Variants in MACROD2 observed in about 807,000 individuals in gnomAD.
MACROD2 encodes the protein mono-ADP ribosylhydrolase 2.
Under a neutral mutation model 70.4 loss-of-function variants are expected in MACROD2, and 36 were observed. The ratio of observed to expected loss-of-function variants is 0.51; its 90% CI spans 0.39 to 0.68. MACROD2 has a LOEUF of 0.68. MACROD2 is among the 30% of genes least tolerant of loss of function. The pLI is 0.00. For synonymous variants in MACROD2, 172 were observed against 178.8 expected (o/e 0.96, Z 0.30); for missense variants, 496 against 538.4 (o/e 0.92, Z 0.78).
At chr20:15,037,114 G>A (rs971704166) in intron 5 of MACROD2, among the ~76,000 whole-genome samples, 7 of 152,086 alleles carry the variant, frequency 4.6e-5, no homozygotes, top group African/African-American at 1.7e-4. Context: ...ATGGGTTAGT[G>A]TGCAGTGGTA....
chr20:14,384,975 G>T (rs1245148559), intron 3 of MACROD2, among the ~76,000 whole-genome samples: 1 of 152,054 alleles, frequency 6.6e-6, no homozygotes, highest in Non-Finnish European at 1.5e-5. Context: ...ACACAAAAGG[G>T]TGCTTTATGT....
At chr20:15,662,047 C>T (rs1246871985) in intron 8 of MACROD2, among the ~76,000 whole-genome samples, 2 of 152,204 alleles carry the variant, frequency 1.3e-5, no homozygotes, top group East Asian at 3.8e-4. Context: ...TAACTTCCCA[C>T]TCTTTACCCA....
chr20:15,741,359 A>G (rs2146965511), intron 8 of MACROD2, among the ~76,000 whole-genome samples: 1 of 151,434 alleles, frequency 6.6e-6, no homozygotes, highest in South Asian at 2.1e-4. Flanking sequence ...TCAGCCTCCC[A>G]AAGTGCTGGG....
At chr20:15,215,976 A>C (rs1468750078) in intron 5 of MACROD2, among the ~76,000 whole-genome samples, 1 of 152,148 alleles carries the variant, frequency 6.6e-6, no homozygotes, top group Non-Finnish European at 1.5e-5. Flanking sequence ...AAACTCGCCT[A>C]TTAAGAGTTC....
At chr20:15,306,278 C>A (rs13041094) in intron 6 of MACROD2, among the ~76,000 whole-genome samples, 8 of 152,278 alleles carry the variant, frequency 5.3e-5, no homozygotes, top group Admixed American at 5.2e-4. Flanking sequence ...CTGAATTATT[C>A]TGTAGTTTAC....
chr20:15,884,077 C>T (rs775047125), intron 9 of MACROD2, among the ~76,000 whole-genome samples: 1 of 152,016 alleles, frequency 6.6e-6, no homozygotes, highest in Non-Finnish European at 1.5e-5. Flanking sequence ...GCTGATGAAC[C>T]TGAAGCTCAG....
At chr20:15,312,010 A>G (rs1214723541) in intron 6 of MACROD2, among the ~76,000 whole-genome samples, 3 of 152,192 alleles carry the variant, frequency 2.0e-5, no homozygotes, top group African/African-American at 7.2e-5. Flanking sequence ...AGCCAAAGAG[A>G]ATATCATCAA....
intron 6 of MACROD2, among the ~76,000 whole-genome samples, chr20:15,400,092 G>T (rs992179419): frequency 2.0e-5 from 3 of 152,052 alleles, no homozygotes; most frequent in African/African-American, 7.2e-5. Flanking sequence ...AAAGAAAGAC[G>T]GTTTTCCTTC....
intron 3 of MACROD2, among the ~76,000 whole-genome samples, chr20:14,219,114 T>C (rs2081648161): frequency 1.3e-5 from 2 of 152,212 alleles, no homozygotes; most frequent in African/African-American, 4.8e-5. Context: ...CCTTGATTAT[T>C]CCCCCAAATA....
chr20:14,135,192 C>T (rs568943130), intron 3 of MACROD2, among the ~76,000 whole-genome samples: 1 of 152,018 alleles, frequency 6.6e-6, no homozygotes, highest in African/African-American at 2.4e-5. Context: ...AAACCTGACA[C>T]CAAAAGTATT....
At chr20:14,415,994 C>G (rs1483165039) in intron 3 of MACROD2, among the ~76,000 whole-genome samples, 1 of 149,236 alleles carries the variant, frequency 6.7e-6, no homozygotes, top group South Asian at 2.1e-4. Context: ...GAGTCTCGCT[C>G]TGTTGCCAGA....
rs2073144579 is a variant in MACROD2, at chr20:14,846,642, TGAGTAGCTGG to T, written c.418+161686_418+161695del. Among the ~76,000 whole-genome samples, 2 of 151,586 alleles carry T rather than the reference TGAGTAGCTGG, an allele frequency of 1.3e-5. 1 individual carries two copies. The highest frequency in any genetic ancestry group is 4.2e-4 in the South Asian group (2 of 4,792). On this transcript the variant is annotated intron_variant, in intron 5 of 17. Coordinates refer to ENST00000684519, the MANE Select transcript of MACROD2 (RefSeq NM_001351661.2). Reference sequence around the variant, plus strand: ...ACGCCACTCTCCTGCCTCAGCCTCCTGAGTAGCTGGGACCACAGGCGCCCGCCACCACGCC... The same window carrying T: ...ACGCCACTCTCCTGCCTCAGCCTCCTGACCACAGGCGCCCGCCACCACGCC...
intron 5 of MACROD2, among the ~76,000 whole-genome samples, chr20:15,146,664 T>A (rs1048699529): frequency 1.4e-4 from 21 of 152,214 alleles, no homozygotes; most frequent in African/African-American, 4.1e-4. Context: ...CCATCTCTTT[T>A]CCTGACTCCT....
At chr20:14,184,803 G>A (rs981715792) in intron 3 of MACROD2, among the ~76,000 whole-genome samples, 3 of 152,064 alleles carry the variant, frequency 2.0e-5, no homozygotes, top group Non-Finnish European at 4.4e-5. Flanking sequence ...GGATAGGATT[G>A]CATTCTTGAT....
intron 3 of MACROD2, among the ~76,000 whole-genome samples, chr20:14,122,204 A>C (rs1474715105): frequency 6.6e-6 from 1 of 152,170 alleles, no homozygotes; most frequent in African/African-American, 2.4e-5. Flanking sequence ...GAATTCAGGA[A>C]ACTTGGATTT....
chr20:16,032,565 GAGA>G (rs2067165865), intron 15 of MACROD2, among the ~76,000 whole-genome samples: 1 of 150,782 alleles, frequency 6.6e-6, no homozygotes, highest in African/African-American at 2.4e-5. Context: ...CAGGGAAGGA[GAGA>G]AGGAGAAACT....
intron 15 of MACROD2, among the ~76,000 whole-genome samples, chr20:15,987,583 A>T (rs1305042225): frequency 6.6e-6 from 1 of 152,160 alleles, no homozygotes; most frequent in Non-Finnish European, 1.5e-5. Context: ...TATGTAAAAT[A>T]TGCATGTTAT....
chr20:15,276,151 A>G (rs1568685791), intron 6 of MACROD2, among the ~76,000 whole-genome samples: 1 of 152,186 alleles, frequency 6.6e-6, no homozygotes, highest in Non-Finnish European at 1.5e-5. Context: ...CTGTAGTCCC[A>G]GCACTTTGGG....
At chr20:14,119,825 A>C (rs1043329282) in intron 3 of MACROD2, among the ~76,000 whole-genome samples, 4 of 152,202 alleles carry the variant, frequency 2.6e-5, no homozygotes, top group Non-Finnish European at 5.9e-5. Context: ...GTTTGGTCTA[A>C]TATCCAGAAT....
Sources: allele counts gnomAD v4.1 joint callset (sites outside exome capture counted in the v4.1 genomes callset), GRCh38; gene constraint gnomAD v4.1.1; transcripts MANE v1.5; gene names NCBI Gene and HGNC (gene_info 2026-07-23, HGNC 2026-07-21).